Variants in HYDIN observed in about 807,000 individuals in gnomAD.
HYDIN encodes the protein HYDIN axonemal central pair apparatus protein, also known as axonemal central pair apparatus protein HYDIN.
HYDIN carries 132 observed loss-of-function variants against 403.9 expected under a neutral mutation model. That is an observed-to-expected ratio of 0.33 (90% CI 0.28 to 0.38). The LOEUF is 0.38. HYDIN is among the 10% of genes least tolerant of loss of function. HYDIN has a pLI of 1.00. For synonymous variants in HYDIN, 1,202 were observed against 1,891.7 expected, an observed-to-expected ratio of 0.64 and a Z score of 9.46; for missense variants, 2,827 against 5,009.5, an observed-to-expected ratio of 0.56 and a Z score of 13.15.
intron 1 of HYDIN, among the ~76,000 whole-genome samples, chr16:71,218,723 C>A (rs556050681): frequency 3.9e-5 from 6 of 152,244 alleles, no homozygotes; most frequent in South Asian, 2.1e-4. Context: ...TCTGGTAGAG[C>A]TAAAGGTATT....
At chr16:71,229,525 C>T (rs1415884472) in intron 1 of HYDIN, among the ~76,000 whole-genome samples, 1 of 152,178 alleles carries the variant, frequency 6.6e-6, no homozygotes, top group Admixed American at 6.5e-5. Context: ...TGTCCATCAG[C>T]TGATGGTACA....
chr16:71,199,356 A>G (rs557600880), intron 1 of HYDIN, among the ~76,000 whole-genome samples: 2 of 152,312 alleles, frequency 1.3e-5, no homozygotes, highest in Admixed American at 1.3e-4. Flanking sequence ...GCCCTTTGAA[A>G]TAGAAACCCA....
chr16:71,219,077 T>A (rs1025628775), intron 1 of HYDIN, among the ~76,000 whole-genome samples: 1 of 152,128 alleles, frequency 6.6e-6, no homozygotes. Flanking sequence ...TAATTAGGGA[T>A]TTTTTCAAAG....
At chr16:71,141,492 A>G (rs1445926456) in intron 7 of HYDIN, among the ~76,000 whole-genome samples, 1 of 151,990 alleles carries the variant, frequency 6.6e-6, no homozygotes, top group Non-Finnish European at 1.5e-5. Context: ...AAAGAAACTC[A>G]TTCAAAAGAA....
chr16:71,177,279 T>G (rs2086707382), intron 4 of HYDIN, among the ~76,000 whole-genome samples: 2 of 152,328 alleles, frequency 1.3e-5, no homozygotes, highest in Non-Finnish European at 2.9e-5. Flanking sequence ...ACCACTTTAG[T>G]AGGCTAAAAA....
chr16:70,879,666 T>C lies in HYDIN; in HGVS notation c.10306A>G (p.Thr3436Ala), dbSNP rs2040663026. 6.3e-7 allele frequency: 1 copy of C among 1,576,248 alleles called. No individual in the cohort carries two copies. The change falls in exon 61 of 86, where the codon ACC (threonine) becomes GCC (alanine). Residue 3436 changes from threonine to alanine, a missense_variant. Thr to Ala is a moderately conservative substitution (Grantham distance 58). Transcript: ENST00000393567. Reference sequence around the variant, plus strand: ...TGGTAGTTCTGCATGATCTGCGGGGTGAAGGACACCGTGGCAAAGGCATGG... The same window carrying C: ...TGGTAGTTCTGCATGATCTGCGGGGCGAAGGACACCGTGGCAAAGGCATGG... ...HSHAFATVSF[T>A]PQIMQNYQCI...
intron 45 of HYDIN, among the ~76,000 whole-genome samples, chr16:70,927,540 C>T (rs1345779761): frequency 1.3e-5 from 2 of 151,736 alleles, no homozygotes; most frequent in Non-Finnish European, 1.5e-5. Flanking sequence ...GGCTGCTACT[C>T]TCTGCCTACA....
chr16:71,181,631 G>A (rs367610609), intron 3 of HYDIN, among the ~76,000 whole-genome samples: 3 of 151,998 alleles, frequency 2.0e-5, no homozygotes, highest in East Asian at 1.9e-4. Flanking sequence ...TTCACCATAA[G>A]CTCAAAGAGC....
At chr16:71,115,149 G>A (rs1412307763) in intron 10 of HYDIN, among the ~76,000 whole-genome samples, 2 of 151,054 alleles carry the variant, frequency 1.3e-5, no homozygotes, top group African/African-American at 4.9e-5. Flanking sequence ...ACGTGTCAAG[G>A]GAAAGACTAT....
intron 2 of HYDIN, 126 bp downstream of exon 2, chr16:71,186,632 CATT>C: frequency 1.4e-6 from 1 of 732,638 alleles, no homozygotes; most frequent in Non-Finnish European, 2.2e-6. Flanking sequence ...AGAAAGCTAC[CATT>C]ATAACTAAAT....
chr16:71,052,264 C>G (rs1258869041), intron 18 of HYDIN, among the ~76,000 whole-genome samples: 2 of 151,456 alleles, frequency 1.3e-5, no homozygotes, highest in African/African-American at 4.8e-5. Context: ...TAAGCTGTAG[C>G]TTTTAAGACA....
chr16:71,105,378 T>G (rs2083583167), intron 10 of HYDIN, among the ~76,000 whole-genome samples: 1 of 150,120 alleles, frequency 6.7e-6, no homozygotes, highest in Non-Finnish European at 1.5e-5. Flanking sequence ...ATTGGAGAGA[T>G]GCTGAGTAAC....
chr16:71,097,777 C>T (rs1271632381), intron 10 of HYDIN, among the ~76,000 whole-genome samples: 5 of 149,546 alleles, frequency 3.3e-5, no homozygotes, highest in Non-Finnish European at 7.4e-5. Context: ...GATATATTTG[C>T]TCTGTATGGA....
At position 71,116,720 on chromosome 16, in the gene HYDIN, C is replaced by T. The variant is rs374874217; in HGVS notation, c.1228-925G>A. 2.3e-3 allele frequency among the ~76,000 whole-genome samples: 357 copies of T among 152,110 alleles called. 2 individuals carry two copies. The highest frequency in any genetic ancestry group is 8.0e-3 in the African/African-American group (330 of 41,472). ...TAATAAGTACAAGAAAGCATTCTTT[C>T]ACCAGCAGATAGTAAATGTATACTT... On this transcript the variant is annotated intron_variant, in intron 9 of 85. Transcript: ENST00000393567.
intron 67 of HYDIN, among the ~76,000 whole-genome samples, chr16:70,864,570 G>GA (rs1191672128): frequency 8.0e-6 from 1 of 125,670 alleles, no homozygotes; most frequent in East Asian, 2.2e-4. Context: ...GTGGGACGTA[G>GA]AGATTAGATT....
chr16:71,210,725 T>C (rs963290909), intron 1 of HYDIN, among the ~76,000 whole-genome samples: 26 of 152,198 alleles, frequency 1.7e-4, no homozygotes, highest in African/African-American at 6.0e-4. Flanking sequence ...CATTAATTTC[T>C]ATCTATAATT....
intron 10 of HYDIN, 31 bp downstream of exon 10, chr16:71,115,665 C>T (rs749600982): frequency 2.2e-5 from 19 of 852,740 alleles, no homozygotes; most frequent in South Asian, 1.4e-5. Flanking sequence ...TGCCTGGTAA[C>T]CTGAGTTTAC....
intron 69 of HYDIN, 124 bp downstream of exon 69, chr16:70,861,923 AT>A: frequency 1.2e-6 from 1 of 831,578 alleles, no homozygotes; most frequent in South Asian, 1.8e-5. Context: ...AAAAGGGATA[AT>A]TTGGGGATGT....
chr16:70,883,760 G>A (rs1427791757), intron 59 of HYDIN, among the ~76,000 whole-genome samples, 160 bp downstream of exon 59: 19 of 152,090 alleles, frequency 1.2e-4, no homozygotes, highest in African/African-American at 3.6e-4. Flanking sequence ...TAGTAGAGAC[G>A]GGGTTTTGCC....
Sources: gnomAD v4.1 joint callset for allele counts (sites outside exome capture counted in the v4.1 genomes callset) on GRCh38, gnomAD v4.1.1 for gene constraint, MANE v1.5 for transcripts, NCBI Gene and HGNC (gene_info 2026-07-23, HGNC 2026-07-21) for gene names.